The following DMD variants were observed in gnomAD, a reference collection of about 807,000 sequenced individuals.
DMD encodes the protein dystrophin, also known as mutant dystrophin.
DMD carries 63 observed loss-of-function variants against 330.1 expected under a neutral mutation model. The observed-to-expected ratio is 0.19, with a 90% CI of 0.16 to 0.24. The LOEUF is 0.24. Ranked by LOEUF, DMD falls within the 10% of genes least tolerant of loss-of-function variation. The pLI is 1.00. For synonymous variants in DMD, 1,223 were observed against 959.8 expected (o/e 1.27, Z -5.07); for missense variants, 3,344 against 2,684.1 (o/e 1.25, Z -5.43).
intron 23 of DMD, among the ~76,000 whole-genome samples, chrX:32,466,752 G>A (rs1039174061): frequency 4.0e-4 from 44 of 111,092 alleles, no homozygotes; most frequent in African/African-American, 1.4e-3. Context: ...GATGGAGGAT[G>A]GGGACATGAG....
At chrX:32,638,712 A>C (rs2059253039) in intron 11 of DMD, among the ~76,000 whole-genome samples, 1 of 111,996 alleles carries the variant, frequency 8.9e-6, no homozygotes, top group African/African-American at 3.2e-5. Flanking sequence ...CAACGAATTC[A>C]ATTCCAAGAT....
intron 67 of DMD, among the ~76,000 whole-genome samples, chrX:31,199,278 G>A (rs765825751): frequency 6.4e-5 from 5 of 78,093 alleles, no homozygotes; most frequent in African/African-American, 2.3e-4. Flanking sequence ...TCTTAAACTC[G>A]TTGCAAAACT....
chrX:32,668,935 C>T (rs773164178), intron 9 of DMD, among the ~76,000 whole-genome samples: 1 of 111,132 alleles, frequency 9.0e-6, no homozygotes, highest in Non-Finnish European at 1.9e-5. Flanking sequence ...TTTTTCTGGA[C>T]ATTTTTGTCC....
At chrX:32,343,771 A>AT (rs1238400472) in intron 39 of DMD, among the ~76,000 whole-genome samples, 14 of 112,189 alleles carry the variant, frequency 1.2e-4, no homozygotes, top group Non-Finnish European at 2.1e-4. Context: ...AAATGCCTAC[A>AT]TAAGAGTTTC....
At chrX:32,721,852 C>T (rs2066353441) in intron 7 of DMD, among the ~76,000 whole-genome samples, 1 of 109,262 alleles carries the variant, frequency 9.2e-6, no homozygotes, top group Non-Finnish European at 1.9e-5. Flanking sequence ...TCCATTTTCA[C>T]TTAATTTTTG....
intron 9 of DMD, among the ~76,000 whole-genome samples, chrX:32,657,384 CTT>C (rs1317228807): frequency 8.9e-6 from 1 of 111,977 alleles, no homozygotes; most frequent in East Asian, 2.8e-4. Flanking sequence ...AATAAAAAAA[CTT>C]TCTCAGAAAT....
intron 1 of DMD, among the ~76,000 whole-genome samples, chrX:33,230,683 T>C (rs982484696): frequency 9.0e-6 from 1 of 110,970 alleles, no homozygotes; most frequent in African/African-American, 3.3e-5. Flanking sequence ...TCAGTGTTCT[T>C]AAGGAAATCC....
Position 31,357,905 on chromosome X carries a change from C to G in DMD, c.9085-9271G>C, listed in dbSNP as rs149540271. 8.1e-3 allele frequency among the ~76,000 whole-genome samples: 912 copies of G among 112,255 alleles called. 5 individuals carry two copies. The highest frequency in any genetic ancestry group is 0.028 in the African/African-American group (854 of 30,914). The stretch of plus-strand genomic sequence containing the variant: ...CCTACAACATTCTGTCTTCTCTCTT[C>G]TTCGCATATCATAAGCCACAAGTTA... On this transcript the variant is annotated intron_variant, in intron 60 of 78. Coordinates refer to ENST00000357033, the MANE Select transcript of DMD (RefSeq NM_004006.3).
chrX:32,190,646 T>C (rs1427473048), intron 44 of DMD, among the ~76,000 whole-genome samples: 1 of 102,851 alleles, frequency 9.7e-6, no homozygotes, highest in East Asian at 3.0e-4. Flanking sequence ...TTAAGAGATA[T>C]TTTCTATCAT....
At chrX:31,202,959 A>C (rs767370443) in intron 67 of DMD, among the ~76,000 whole-genome samples, 1 of 112,293 alleles carries the variant, frequency 8.9e-6, no homozygotes, top group African/African-American at 3.2e-5. Flanking sequence ...CTAAACGATA[A>C]GGATGTTCAT....
At chrX:32,168,540 T>TA (rs67296978) in intron 44 of DMD, among the ~76,000 whole-genome samples, 914 of 78,510 alleles carry the variant, frequency 0.012, 5 homozygotes, top group African/African-American at 0.024. Context: ...ATGACAGTTA[T>TA]AAAAAAAAAA....
At chrX:33,093,968 A>G (rs2095120172) in intron 1 of DMD, among the ~76,000 whole-genome samples, 1 of 111,861 alleles carries the variant, frequency 8.9e-6, no homozygotes, top group South Asian at 3.7e-4. Flanking sequence ...AAAAAGACTA[A>G]TGCAACATAA....
At chrX:32,025,983 G>A (rs190093820) in intron 44 of DMD, among the ~76,000 whole-genome samples, 2 of 112,207 alleles carry the variant, frequency 1.8e-5, no homozygotes, top group East Asian at 5.6e-4. Context: ...CTGGATGAAT[G>A]TGAATGAAGT....
chrX:32,870,981 A>AAAAAAAAAAAAGG (rs1569537090), intron 2 of DMD, among the ~76,000 whole-genome samples: 1 of 82,571 alleles, frequency 1.2e-5, no homozygotes, highest in Non-Finnish European at 2.4e-5. Context: ...AAAAAAAAAA[A>AAAAAAAAAAAAGG]AAAAAAACCA....
Position 32,645,105 on chromosome X carries a change from C to T in DMD, c.1008G>A (p.Glu336=), listed in dbSNP as rs1280118173. The T allele has an allele frequency of 5.8e-6, 7 of 1,210,027 alleles. No homozygotes were observed. The highest frequency in any genetic ancestry group is 2.2e-5 in the Admixed American group (1 of 45,695). The part of the protein sequence containing the change: ...EDKSFGSSLM[E]SEVNLDRYQT... Reference sequence around the variant, plus strand: ...GATAACGGTCCAGGTTTACTTCACTCTCCATCAATGAACTGCCAAATGACT... The same window carrying T: ...GATAACGGTCCAGGTTTACTTCACTTTCCATCAATGAACTGCCAAATGACT... Residue 336 remains glutamate, a synonymous_variant, in exon 10 of 79, where the codon GAG becomes GAA. Coordinates refer to ENST00000357033, the MANE Select transcript of DMD (RefSeq NM_004006.3).
intron 2 of DMD, among the ~76,000 whole-genome samples, chrX:32,942,265 TG>T (rs1446840054): frequency 8.9e-6 from 1 of 112,418 alleles, no homozygotes; most frequent in East Asian, 2.8e-4. Flanking sequence ...CCATTTTGGC[TG>T]GAGCAGTGGC....
At chrX:31,528,633 G>A (rs764899521) in intron 55 of DMD, among the ~76,000 whole-genome samples, 2 of 112,138 alleles carry the variant, frequency 1.8e-5, no homozygotes, top group African/African-American at 6.5e-5. Context: ...AAATCTTTTC[G>A]CTCCCTTCGC....
chrX:33,157,260 T>A (rs1250699158), intron 1 of DMD, among the ~76,000 whole-genome samples: 1 of 111,391 alleles, frequency 9.0e-6, no homozygotes, highest in African/African-American at 3.3e-5. Flanking sequence ...GCTTCTGGTA[T>A]TGCCAGCAAT....
intron 62 of DMD, among the ~76,000 whole-genome samples, chrX:31,320,346 C>A (rs959683794): frequency 8.9e-6 from 1 of 112,134 alleles, no homozygotes. Flanking sequence ...ATAGAAACCT[C>A]TTGTTATGTG....
Sources: gnomAD v4.1 joint callset for allele counts (sites outside exome capture counted in the v4.1 genomes callset) on GRCh38, gnomAD v4.1.1 for gene constraint, MANE v1.5 for transcripts, NCBI Gene and HGNC (gene_info 2026-07-23, HGNC 2026-07-21) for gene names.